The following MACROD2 variants were observed in gnomAD, a reference collection of about 807,000 sequenced individuals.
MACROD2 encodes the protein mono-ADP ribosylhydrolase 2.
Under a neutral mutation model 70.4 loss-of-function variants are expected in MACROD2, and 36 were observed. The observed-to-expected ratio is 0.51, with a 90% confidence interval of 0.39 to 0.68. The LOEUF (loss-of-function observed/expected upper bound fraction) is 0.68. MACROD2 is among the 30% of genes least tolerant of loss of function. MACROD2 has a pLI of 0.00. For missense variants in MACROD2, 496 were observed against 538.4 expected (o/e 0.92, Z 0.78); for synonymous variants, 172 against 178.8 (o/e 0.96, Z 0.30).
intron 8 of MACROD2, among the ~76,000 whole-genome samples, chr20:15,655,461 G>A (rs1375313026): frequency 6.6e-6 from 1 of 151,868 alleles, no homozygotes; most frequent in Non-Finnish European, 1.5e-5. Context: ...TTTCACAAGT[G>A]GTTTGGGGTT....
intron 5 of MACROD2, among the ~76,000 whole-genome samples, chr20:15,158,970 G>A (rs1453799589): frequency 6.6e-6 from 1 of 152,012 alleles, no homozygotes; most frequent in Non-Finnish European, 1.5e-5. Context: ...CCAATCCAAT[G>A]TATTTTTCTC....
chr20:15,136,444 A>AATGGGG (rs2076148718), intron 5 of MACROD2, among the ~76,000 whole-genome samples: 1 of 152,198 alleles, frequency 6.6e-6, no homozygotes, highest in Non-Finnish European at 1.5e-5. Context: ...CAAACCTGAG[A>AATGGGG]AAAACGAGCA....
intron 11 of MACROD2, 154 bp downstream of exon 11, chr20:15,933,492 G>T: frequency 1.7e-6 from 1 of 595,144 alleles, no homozygotes; most frequent in Non-Finnish European, 2.9e-6. Context: ...CACCATCTCC[G>T]ATAACTATGA....
At chr20:15,188,182 GCTGT>G (rs1481007197) in intron 5 of MACROD2, among the ~76,000 whole-genome samples, 1 of 152,092 alleles carries the variant, frequency 6.6e-6, no homozygotes, top group African/African-American at 2.4e-5. Flanking sequence ...TGTTGTCGAG[GCTGT>G]CTATCATTGA....
intron 6 of MACROD2, among the ~76,000 whole-genome samples, chr20:15,282,375 G>A (rs760942520): frequency 5.3e-5 from 8 of 152,140 alleles, no homozygotes; most frequent in Non-Finnish European, 1.2e-4. Flanking sequence ...TAACTTTTAT[G>A]CTCTGCTTCC....
intron 5 of MACROD2, among the ~76,000 whole-genome samples, chr20:15,088,452 ATAT>A (rs1330593331): frequency 3.3e-5 from 3 of 91,782 alleles, no homozygotes; most frequent in South Asian, 3.6e-4. Context: ...TATATATATA[ATAT>A]TTTGTGTGTG....
chr20:15,947,679 C>T (rs900570063), intron 12 of MACROD2, among the ~76,000 whole-genome samples: 32 of 152,148 alleles, frequency 2.1e-4, no homozygotes, highest in African/African-American at 7.2e-4. Flanking sequence ...CAGTGGCTTG[C>T]ACATAGTAGG....
chr20:15,018,293 T>A (rs1459245453), intron 5 of MACROD2, among the ~76,000 whole-genome samples: 1 of 152,182 alleles, frequency 6.6e-6, no homozygotes, highest in African/African-American at 2.4e-5. Flanking sequence ...TGCCAAAACA[T>A]AACAAGAGTC....
intron 5 of MACROD2, chr20:14,757,449 A>G (rs1443085637): frequency 6.4e-6 from 3 of 471,090 alleles, no homozygotes; most frequent in Non-Finnish European, 1.1e-5. Flanking sequence ...AAAAAGTACA[A>G]CTTTGGACAA....
chr20:14,508,054 T>C (rs2084988808), intron 4 of MACROD2, among the ~76,000 whole-genome samples: 1 of 152,030 alleles, frequency 6.6e-6, no homozygotes, highest in Non-Finnish European at 1.5e-5. Flanking sequence ...GAGAAGTGAT[T>C]TGAAAGGCTT....
intron 2 of MACROD2, among the ~76,000 whole-genome samples, chr20:14,028,803 G>A (rs569782325): frequency 3.9e-5 from 6 of 152,256 alleles, no homozygotes; most frequent in African/African-American, 1.4e-4. Flanking sequence ...GAAATCAACC[G>A]TCATTGATCT....
At chr20:15,624,929 A>T (rs1194860285) in intron 8 of MACROD2, among the ~76,000 whole-genome samples, 1 of 152,174 alleles carries the variant, frequency 6.6e-6, no homozygotes. Flanking sequence ...TCATTGATAT[A>T]AGTAATTTTT....
At chr20:15,213,981 C>T (rs1298691822) in intron 5 of MACROD2, among the ~76,000 whole-genome samples, 2 of 152,146 alleles carry the variant, frequency 1.3e-5, no homozygotes, top group Admixed American at 1.3e-4. Flanking sequence ...CTGGCCTCAA[C>T]TGATCCTTCT....
intron 4 of MACROD2, among the ~76,000 whole-genome samples, chr20:14,675,217 C>A (rs1379992571): frequency 1.3e-5 from 2 of 152,162 alleles, no homozygotes; most frequent in African/African-American, 4.8e-5. Flanking sequence ...CACAAAGATA[C>A]TCCTTGAGAA....
intron 6 of MACROD2, among the ~76,000 whole-genome samples, chr20:15,247,262 A>G (rs1232696848): frequency 1.3e-5 from 2 of 152,198 alleles, no homozygotes; most frequent in Non-Finnish European, 2.9e-5. Flanking sequence ...TAGGAATGAA[A>G]TAGAAGTGGA....
chr20:15,572,036 G>A (rs756274123), intron 8 of MACROD2, among the ~76,000 whole-genome samples: 6 of 152,088 alleles, frequency 3.9e-5, no homozygotes, highest in Non-Finnish European at 8.8e-5. Flanking sequence ...TTTGAGAAAT[G>A]TGTTCTTCAC....
At chr20:15,791,057 T>A (rs1216262309) in intron 8 of MACROD2, among the ~76,000 whole-genome samples, 1 of 151,910 alleles carries the variant, frequency 6.6e-6, no homozygotes, top group Non-Finnish European at 1.5e-5. Flanking sequence ...TTTCAAAAGG[T>A]CTAAAACTCA....
intron 5 of MACROD2, among the ~76,000 whole-genome samples, chr20:15,219,956 G>GGA (rs2076843629): frequency 9.4e-6 from 1 of 106,774 alleles, no homozygotes; most frequent in Non-Finnish European, 1.9e-5. Flanking sequence ...ATCATCTCCT[G>GGA]AAAAAAAAAA....
At chr20:14,339,023 C>G (rs1404126206) in intron 3 of MACROD2, among the ~76,000 whole-genome samples, 1 of 152,194 alleles carries the variant, frequency 6.6e-6, no homozygotes, top group African/African-American at 2.4e-5. Context: ...TGTCCTTTCT[C>G]AATTTTTCCC....
Sources: allele counts gnomAD v4.1 joint callset (sites outside exome capture counted in the v4.1 genomes callset), GRCh38; gene constraint gnomAD v4.1.1; transcripts MANE v1.5; gene names NCBI Gene and HGNC (gene_info 2026-07-23, HGNC 2026-07-21).